The following L3MBTL4 variants were observed in gnomAD, a reference collection of about 807,000 sequenced individuals.
L3MBTL4 encodes lethal(3)malignant brain tumor-like protein 4.
L3MBTL4 carries 70 observed loss-of-function variants against 84.5 expected under a neutral mutation model. That is an observed-to-expected ratio of 0.83 (90% CI 0.68 to 1.01). The LOEUF is 1.01. L3MBTL4 is among the 50% of genes least tolerant of loss of function. The probability of loss-of-function intolerance (pLI) is 0.00; values close to 1 mark genes in which losing one functional copy is unlikely to be tolerated. For synonymous variants in L3MBTL4, 274 were observed against 259.8 expected, an observed-to-expected ratio of 1.05 and a Z score of -0.52; for missense variants, 715 against 754.8, an observed-to-expected ratio of 0.95 and a Z score of 0.62.
At chr18:6,242,140 C>T (rs1161684572) in intron 7 of L3MBTL4, among the ~76,000 whole-genome samples, 1 of 152,174 alleles carries the variant, frequency 6.6e-6, no homozygotes, top group East Asian at 1.9e-4. Flanking sequence ...GCACAGCCTT[C>T]CAGGCCTGGG....
chr18:6,189,216 T>C (rs973713737), intron 12 of L3MBTL4, among the ~76,000 whole-genome samples: 1 of 152,156 alleles, frequency 6.6e-6, no homozygotes, highest in African/African-American at 2.4e-5. Flanking sequence ...TCCTCTTTTG[T>C]CTCTTATAAG....
rs540329226 is a variant in L3MBTL4 at position 6,162,230 on chromosome 18, T to G, written c.1096+9598A>C. Among the ~76,000 whole-genome samples, 9 of 152,280 alleles carry G rather than the reference T, an allele frequency of 5.9e-5. No homozygotes were observed. The South Asian group carries it at 1.9e-3, about 32-fold the overall frequency. On this transcript the variant is annotated intron_variant, in intron 13 of 18. Coordinates refer to ENST00000317931, the MANE Select transcript of L3MBTL4 (RefSeq NM_001330559.2). Reference sequence around the variant, plus strand: ...TCAATAAAATAACATTCAAGTCAGATTCCACCTCTATAAAATATAGAGTAG... The same window carrying G: ...TCAATAAAATAACATTCAAGTCAGAGTCCACCTCTATAAAATATAGAGTAG...
At chr18:6,237,404 A>G (rs981714391) in intron 10 of L3MBTL4, among the ~76,000 whole-genome samples, 6 of 151,628 alleles carry the variant, frequency 4.0e-5, no homozygotes, top group African/African-American at 1.2e-4. Flanking sequence ...TAGTTGGATA[A>G]AAATTTTTAG....
chr18:6,118,968 G>A (rs1163639712), intron 14 of L3MBTL4, among the ~76,000 whole-genome samples: 1 of 136,518 alleles, frequency 7.3e-6, no homozygotes, highest in Non-Finnish European at 1.6e-5. Context: ...CTTTCTAATA[G>A]ATTTGGCACA....
intron 12 of L3MBTL4, among the ~76,000 whole-genome samples, chr18:6,196,732 A>G (rs1221325442): frequency 6.6e-6 from 1 of 152,214 alleles, no homozygotes; most frequent in African/African-American, 2.4e-5. Flanking sequence ...TATTCTGAAC[A>G]TCTTACTATC....
chr18:6,330,113 A>T (rs911866830), intron 1 of L3MBTL4, among the ~76,000 whole-genome samples: 1 of 152,236 alleles, frequency 6.6e-6, no homozygotes, highest in African/African-American at 2.4e-5. Context: ...AAATAATGCT[A>T]CTTAAACAAT....
rs936094677 is a variant in L3MBTL4, at chr18:5,981,423, G to A, written c.1445-11861C>T. ...AAAAATTATTAGAATTATGAAAAAAGAAACAATGAATGACACTAACTTTTA... is the reference window on the plus strand; with the variant it reads ...AAAAATTATTAGAATTATGAAAAAAAAAACAATGAATGACACTAACTTTTA... On this transcript the variant is annotated intron_variant, in intron 16 of 18. Coordinates refer to ENST00000317931, the MANE Select transcript of L3MBTL4 (RefSeq NM_001330559.2). Among the ~76,000 whole-genome samples, 37 of 152,194 alleles carry A rather than the reference G, an allele frequency of 2.4e-4. 2 individuals are homozygous for A. Among genetic ancestry groups the A allele is most frequent in the African/African-American group, 8.9e-4 (37 of 41,532 alleles).
intron 14 of L3MBTL4, among the ~76,000 whole-genome samples, chr18:6,098,363 C>T (rs2058708820): frequency 6.6e-6 from 1 of 152,182 alleles, no homozygotes. Context: ...CCTCCAGCAA[C>T]CTCTAGGCTC....
chr18:6,297,556 T>A lies in L3MBTL4; in HGVS notation c.127+4347A>T, dbSNP rs561959803. Among the ~76,000 whole-genome samples, 3 of 152,332 alleles carry A rather than the reference T, an allele frequency of 2.0e-5. No homozygotes were observed. In the South Asian group the frequency reaches 6.2e-4, roughly 32 times the overall value. Reference sequence around the variant, plus strand: ...AATTTTTCCAAAAATAAAAGTTTACTCAGAAATATCTAAGAACAGATATTC... The same window carrying A: ...AATTTTTCCAAAAATAAAAGTTTACACAGAAATATCTAAGAACAGATATTC... On this transcript the variant is annotated intron_variant, in intron 4 of 18. Coordinates refer to ENST00000317931, the MANE Select transcript of L3MBTL4 (RefSeq NM_001330559.2).
At chr18:6,101,517 C>G (rs1380622300) in intron 14 of L3MBTL4, among the ~76,000 whole-genome samples, 1 of 152,184 alleles carries the variant, frequency 6.6e-6, no homozygotes, top group Non-Finnish European at 1.5e-5. Flanking sequence ...ACTTGTTCTA[C>G]TTAACTAAAG....
At chr18:6,172,124 T>C (rs1176701384) in intron 12 of L3MBTL4, among the ~76,000 whole-genome samples, 182 bp from the exon 13 acceptor site, 3 of 152,236 alleles carry the variant, frequency 2.0e-5, no homozygotes, top group South Asian at 2.1e-4. Context: ...ACAAAGGCAA[T>C]TGTACCAAAT....
chr18:5,963,500 C>T (rs1447737003), intron 17 of L3MBTL4, among the ~76,000 whole-genome samples: 4 of 152,352 alleles, frequency 2.6e-5, no homozygotes, highest in African/African-American at 9.6e-5. Flanking sequence ...CCACCTCATC[C>T]TCCACCTGGC....
At chr18:6,248,657 T>C (rs1315559560) in intron 5 of L3MBTL4, among the ~76,000 whole-genome samples, 2 of 152,178 alleles carry the variant, frequency 1.3e-5, no homozygotes, top group African/African-American at 2.4e-5. Flanking sequence ...GTTTTTCTTA[T>C]TTCCCCTTCT....
At chr18:6,030,121 T>C (rs1037977010) in intron 16 of L3MBTL4, 2 of 911,570 alleles carry the variant, frequency 2.2e-6, no homozygotes, top group Admixed American at 1.2e-4. Context: ...TGGTATGCCA[T>C]CACTTGTGTA....
intron 12 of L3MBTL4, among the ~76,000 whole-genome samples, chr18:6,202,006 T>C (rs988747283): frequency 6.6e-6 from 1 of 152,212 alleles, no homozygotes; most frequent in Non-Finnish European, 1.5e-5. Flanking sequence ...ATTGGATATG[T>C]AAACAGACTG....
In L3MBTL4 at chr18:6,301,899, T is replaced by G; in HGVS notation, c.127+4A>C. The G allele has an allele frequency of 6.2e-7, 1 of 1,609,638 alleles. No individual in the cohort carries two copies. The highest frequency in any genetic ancestry group is 8.5e-7 in the Non-Finnish European group (1 of 1,175,858). Reference sequence around the variant, plus strand: ...CTACCACTGTAAATATTGGTGATAATTACCGTGACTCAAAGGGGTTGTGCT... The same window carrying G: ...CTACCACTGTAAATATTGGTGATAAGTACCGTGACTCAAAGGGGTTGTGCT... On this transcript the variant is annotated splice_donor_region_variant and intron_variant, in intron 4 of 18. Coordinates refer to ENST00000317931, the MANE Select transcript of L3MBTL4 (RefSeq NM_001330559.2).
At chr18:6,135,690 T>C (rs2060009107) in intron 14 of L3MBTL4, among the ~76,000 whole-genome samples, 1 of 152,190 alleles carries the variant, frequency 6.6e-6, no homozygotes, top group Non-Finnish European at 1.5e-5. Flanking sequence ...CACCTCAGCC[T>C]TATTGTTCAT....
chr18:6,255,157 T>C (rs913757639), intron 5 of L3MBTL4, among the ~76,000 whole-genome samples: 19 of 152,216 alleles, frequency 1.2e-4, no homozygotes, highest in Admixed American at 1.2e-3. Context: ...TTCTAATACA[T>C]ATTTCCTTTA....
At position 5,955,985 on chromosome 18, in the gene L3MBTL4, A is replaced by G. The variant is rs2095224584; in HGVS notation, c.*235T>C. On this transcript the variant is annotated 3_prime_UTR_variant, in exon 19 of 19. Transcript: ENST00000317931. ...AACAAATCAGAGCTGAGCGGATCCC[A>G]CCAAAGATAACAATGTTCGTAAACC... The G allele has an allele frequency of 2.2e-6, 1 of 449,438 alleles. No homozygotes were observed. The highest frequency in any genetic ancestry group is 2.0e-5 in the African/African-American group (1 of 50,214). 27.8% of individuals were successfully genotyped at this position (449,438 alleles called of 1,614,324 possible).
Sources: allele counts gnomAD v4.1 joint callset (sites outside exome capture counted in the v4.1 genomes callset), GRCh38; gene constraint gnomAD v4.1.1; transcripts MANE v1.5; gene names NCBI Gene and HGNC (gene_info 2026-07-23, HGNC 2026-07-21).